NPHP1: variants seen among roughly 807,000 people sequenced by gnomAD.
The protein encoded by NPHP1 is nephrocystin-1.
Under a neutral mutation model 90.4 loss-of-function variants are expected in NPHP1, and 70 were observed. That is an observed-to-expected ratio of 0.77 (90% CI 0.64 to 0.95). The LOEUF (loss-of-function observed/expected upper bound fraction) is 0.95. Ranked by LOEUF, NPHP1 falls within the 40% of genes least tolerant of loss-of-function variation. The pLI, the probability that NPHP1 is intolerant of heterozygous loss-of-function variation, is 0.00. For synonymous variants in NPHP1, 256 were observed against 271.7 expected, an observed-to-expected ratio of 0.94 and a Z score of 0.57; for missense variants, 764 against 795.9, an observed-to-expected ratio of 0.96 and a Z score of 0.48.
chr2:110,196,878 A>T (rs1685204900), intron 2 of NPHP1, among the ~76,000 whole-genome samples: 1 of 152,170 alleles, frequency 6.6e-6, no homozygotes, highest in Non-Finnish European at 1.5e-5. Context: ...GCTGGAAACC[A>T]TCATACTGAG....
intron 18 of NPHP1, chr2:110,125,941 C>A: frequency 2.0e-6 from 1 of 500,158 alleles, no homozygotes. Context: ...ATAGAATCAG[C>A]GAAACACTAA....
At chr2:110,151,168 GAA>G (rs35894521) in intron 11 of NPHP1, among the ~76,000 whole-genome samples, 95 of 116,456 alleles carry the variant, frequency 8.2e-4, no homozygotes, top group East Asian at 5.7e-3. Flanking sequence ...TCAGTCTCAA[GAA>G]AAAAAAAAAA....
At position 110,135,578 on chromosome 2, in the gene NPHP1, T is replaced by C. The variant is rs186283225; in HGVS notation, c.1530-3787A>G. ...TGTATCATGCACAAGATTTAACCTTTGAAAGTACTCAAGAAAATATCTTAG... is the reference window on the plus strand; with the variant it reads ...TGTATCATGCACAAGATTTAACCTTCGAAAGTACTCAAGAAAATATCTTAG... On this transcript the variant is annotated intron_variant, in intron 16 of 19. Transcript: ENST00000445609. Among the ~76,000 whole-genome samples the C allele has an allele frequency of 1.0e-3, 155 of 151,874 alleles. 1 individual carries two copies. The highest frequency in any genetic ancestry group is 6.8e-3 in the Middle Eastern group (2 of 292).
In NPHP1 at chr2:110,204,982, G is replaced by A. The variant is rs566761251; in HGVS notation, c.-14C>T. On this transcript the variant is annotated 5_prime_UTR_variant, in exon 1 of 20. Coordinates refer to ENST00000445609, the MANE Select transcript of NPHP1 (RefSeq NM_001128178.3). Reference sequence around the variant, plus strand: ...TCTCGCCAGCATCTCCCTGGCTGCGGTGCTCTGATTGCTCCAGTTGCCAGG... The same window carrying A: ...TCTCGCCAGCATCTCCCTGGCTGCGATGCTCTGATTGCTCCAGTTGCCAGG... 75 of 1,613,734 alleles carry A rather than the reference G, an allele frequency of 4.6e-5. 3 individuals carry two copies. The South Asian group carries it at 7.5e-4, about 16-fold the overall frequency.
chr2:110,137,539 G>C (rs1379499710), intron 16 of NPHP1, among the ~76,000 whole-genome samples: 1 of 152,102 alleles, frequency 6.6e-6, no homozygotes, highest in Non-Finnish European at 1.5e-5. Context: ...CTTCTCAAAA[G>C]AAGACATTTA....
intron 11 of NPHP1, 147 bp from the exon 12 acceptor site, chr2:110,150,403 A>G: frequency 1.3e-6 from 1 of 741,788 alleles, no homozygotes; most frequent in South Asian, 1.5e-5. Context: ...GTAATTCTGT[A>G]ATGTTTTTCT....
At chr2:110,131,816 T>G (rs925906871) in intron 16 of NPHP1, 25 bp from the exon 17 acceptor site, 4 of 1,347,698 alleles carry the variant, frequency 3.0e-6, no homozygotes, top group African/African-American at 1.4e-5. Flanking sequence ...AAAAATGTAT[T>G]CATTAGACAA....
At chr2:110,124,817 T>C (rs904977070) in intron 19 of NPHP1, 5 of 176,950 alleles carry the variant, frequency 2.8e-5, no homozygotes, top group Admixed American at 1.1e-4. Context: ...CAAAGTCACA[T>C]GTATGTAGAT....
chr2:110,194,064 T>G (rs1211930727), intron 2 of NPHP1, among the ~76,000 whole-genome samples: 4 of 151,404 alleles, frequency 2.6e-5, no homozygotes, highest in African/African-American at 4.9e-5. Flanking sequence ...AGGAAAGAAA[T>G]AAAATTGACA....
intron 19 of NPHP1, chr2:110,125,326 AG>A: frequency 6.6e-7 from 1 of 1,522,372 alleles, no homozygotes; most frequent in South Asian, 1.2e-5. Flanking sequence ...TTTGAGAGCT[AG>A]AGAAGTTTTT....
intron 12 of NPHP1, among the ~76,000 whole-genome samples, 198 bp from the exon 13 acceptor site, chr2:110,148,224 G>A (rs575860268): frequency 5.9e-5 from 9 of 152,080 alleles, no homozygotes; most frequent in African/African-American, 1.9e-4. Flanking sequence ...CAGAGAGTTC[G>A]TTCTCAGGAG....
chr2:110,159,071 T>C (rs1682117617), intron 11 of NPHP1, among the ~76,000 whole-genome samples: 2 of 152,050 alleles, frequency 1.3e-5, no homozygotes, highest in Admixed American at 6.5e-5. Context: ...TAATGATTGA[T>C]TTTCAAATGT....
chr2:110,123,800 A>G lies in NPHP1; in HGVS notation c.2025T>C (p.Asn675=). 2 of 1,613,938 alleles carry G rather than the reference A, an allele frequency of 1.2e-6. No individual in the cohort carries two copies. The highest frequency in any genetic ancestry group is 1.7e-6 in the Non-Finnish European group (2 of 1,179,946). ...CTAGAGGCTGCCACTGTCACACTGC[A>G]TTCTTTCTCATTTCACCCAAGAAGT... ...TYDFLGEMRK[N]AV Residue 675 remains asparagine (N), a synonymous_variant, in exon 20 of 20, where the codon AAT becomes AAC. Transcript: ENST00000445609.
At chr2:110,179,485 G>A (rs953875963) in intron 3 of NPHP1, 139 bp downstream of exon 3, 32 of 564,492 alleles carry the variant, frequency 5.7e-5, no homozygotes, top group African/African-American at 5.4e-4. Flanking sequence ...AAGCCTGTTC[G>A]GCAAGCCAGC....
At chr2:110,140,033 CCT>C (rs1185898568) in intron 16 of NPHP1, among the ~76,000 whole-genome samples, 2 of 152,078 alleles carry the variant, frequency 1.3e-5, no homozygotes, top group East Asian at 1.9e-4. Context: ...CACCCCGCCC[CCT>C]GACTACAGCC....
intron 12 of NPHP1, 70 bp downstream of exon 12, chr2:110,150,112 C>T (rs879082622): frequency 1.2e-5 from 13 of 1,123,988 alleles, no homozygotes; most frequent in South Asian, 4.9e-5. Flanking sequence ...ATACTCTGTG[C>T]TATTTATAGA....
rs1467611523 is a variant in NPHP1, at chr2:110,146,761, A to C, written c.1344T>G (p.Ile448Met). 1 of 1,611,222 alleles carries C rather than the reference A, an allele frequency of 6.2e-7. No individual in the cohort carries two copies. ...ATATATAGCCAACTTACTTTGCTGG[A>C]ATAGGAACTCCACTGGCATCAAAAA... Reference protein sequence around the residue: ...LKLFDASGVPIPAKTYELFLN... With the variant: ...LKLFDASGVPMPAKTYELFLN... The change falls in exon 14 of 20, where the codon ATT becomes ATG. Residue 448 changes from isoleucine (I) to methionine (M), a missense_variant. By Grantham distance (10) the Ile-to-Met change is conservative. Coordinates refer to ENST00000445609, the MANE Select transcript of NPHP1 (RefSeq NM_001128178.3).
At chr2:110,156,101 T>G (rs1301674485) in intron 11 of NPHP1, among the ~76,000 whole-genome samples, 1 of 149,780 alleles carries the variant, frequency 6.7e-6, no homozygotes, top group East Asian at 2.0e-4. Context: ...GACAAGAGTC[T>G]CAGTCTGTAG....
chr2:110,155,668 T>C (rs954545013), intron 11 of NPHP1, among the ~76,000 whole-genome samples: 2 of 152,150 alleles, frequency 1.3e-5, no homozygotes, highest in Admixed American at 6.5e-5. Flanking sequence ...CAGCTGGATT[T>C]TGGACTTGCA....
Sources: allele counts gnomAD v4.1 joint callset (sites outside exome capture counted in the v4.1 genomes callset), GRCh38; gene constraint gnomAD v4.1.1; transcripts MANE v1.5; gene names NCBI Gene and HGNC (gene_info 2026-07-23, HGNC 2026-07-21).